The following BCAS1 variants were observed in gnomAD, a reference collection of about 807,000 sequenced individuals.
The protein encoded by BCAS1 is breast carcinoma-amplified sequence 1.
BCAS1 carries 46 observed loss-of-function variants against 65.4 expected under a neutral mutation model. The observed-to-expected ratio is 0.70, with a 90% CI of 0.55 to 0.90. The LOEUF (loss-of-function observed/expected upper bound fraction) is 0.90. BCAS1 is among the 40% of genes least tolerant of loss of function. The probability of loss-of-function intolerance (pLI) is 0.00; values close to 1 mark genes in which losing one functional copy is unlikely to be tolerated. For synonymous variants in BCAS1, 298 were observed against 293.5 expected (o/e 1.02, Z -0.16); for missense variants, 793 against 771.2 (o/e 1.03, Z -0.33).
At chr20:54,027,183 T>C (rs1024259616) in intron 4 of BCAS1, among the ~76,000 whole-genome samples, 3 of 152,234 alleles carry the variant, frequency 2.0e-5, no homozygotes, top group South Asian at 4.1e-4. Context: ...TCAAAATGTA[T>C]AGAAAACACA....
intron 10 of BCAS1, among the ~76,000 whole-genome samples, chr20:53,958,735 TATTC>T (rs1332693524): frequency 1.3e-5 from 2 of 152,260 alleles, no homozygotes; most frequent in Non-Finnish European, 2.9e-5. Flanking sequence ...TTATTTCATT[TATTC>T]ATTATGTCAG....
chr20:53,973,193 C>A (rs368238271), intron 9 of BCAS1, among the ~76,000 whole-genome samples: 17 of 152,212 alleles, frequency 1.1e-4, no homozygotes, highest in East Asian at 3.8e-4. Context: ...TGCGCCACTG[C>A]ACTCCAGCCT....
At chr20:54,019,891 G>T (rs889544103) in intron 4 of BCAS1, among the ~76,000 whole-genome samples, 1 of 152,112 alleles carries the variant, frequency 6.6e-6, no homozygotes, top group Admixed American at 6.5e-5. Context: ...CACTTTTGAG[G>T]CTTTTGAACT....
rs753309821 is a variant in BCAS1 at position 54,028,973 on chromosome 20, C to T, written c.143-1G>A. On this transcript the variant is annotated splice_acceptor_variant, in intron 3 of 12. Transcript: ENST00000688948. LOFTEE classifies it high-confidence loss of function. ...GTCTTGACACTTATTCCCAAGTCGACTGTAAACACAAACATAAACAGTGGT... is the reference window on the plus strand; with the variant it reads ...GTCTTGACACTTATTCCCAAGTCGATTGTAAACACAAACATAAACAGTGGT... The T allele has an allele frequency of 2.5e-6, 4 of 1,602,518 alleles. No homozygotes were observed. Among genetic ancestry groups the T allele is most frequent in the Non-Finnish European group, 3.4e-6 (4 of 1,174,890 alleles).
At chr20:54,051,242 C>A (rs1276732303) in intron 3 of BCAS1, among the ~76,000 whole-genome samples, 5 of 152,170 alleles carry the variant, frequency 3.3e-5, no homozygotes, top group Non-Finnish European at 7.4e-5. Flanking sequence ...ACTGCCTGAT[C>A]TCTGAGCCAT....
intron 7 of BCAS1, among the ~76,000 whole-genome samples, chr20:53,989,480 T>C (rs1301814495): frequency 1.3e-5 from 2 of 152,188 alleles, no homozygotes; most frequent in Non-Finnish European, 2.9e-5. Flanking sequence ...GCCTAGCTTC[T>C]GGCACAAAAT....
intron 12 of BCAS1, among the ~76,000 whole-genome samples, chr20:53,946,810 GTATAA>G (rs2089340081): frequency 6.6e-6 from 1 of 151,412 alleles, no homozygotes; most frequent in African/African-American, 2.4e-5. Context: ...GGAAAGGGAA[GTATAA>G]TGTACTATCA....
At chr20:54,052,410 T>C (rs2092232246) in intron 3 of BCAS1, among the ~76,000 whole-genome samples, 1 of 152,204 alleles carries the variant, frequency 6.6e-6, no homozygotes, top group Admixed American at 6.5e-5. Flanking sequence ...TTGAGATTCA[T>C]CCATGCTGTT....
At chr20:54,021,481 G>A (rs747985820) in intron 4 of BCAS1, among the ~76,000 whole-genome samples, 4 of 146,778 alleles carry the variant, frequency 2.7e-5, no homozygotes, top group African/African-American at 7.4e-5. Flanking sequence ...GTCTATTGTT[G>A]ATGGGCATTT....
At chr20:53,991,055 G>T (rs903251979) in intron 7 of BCAS1, among the ~76,000 whole-genome samples, 1 of 152,164 alleles carries the variant, frequency 6.6e-6, no homozygotes, top group African/African-American at 2.4e-5. Context: ...TACTGCAGAC[G>T]TAAAATTTTG....
At chr20:54,027,277 C>T (rs2091692785) in intron 4 of BCAS1, among the ~76,000 whole-genome samples, 1 of 152,162 alleles carries the variant, frequency 6.6e-6, no homozygotes, top group Admixed American at 6.5e-5. Flanking sequence ...CAGCGGTGCC[C>T]AGCCTTCATA....
At chr20:54,064,706 G>A (rs547149248) in intron 1 of BCAS1, among the ~76,000 whole-genome samples, 3 of 152,326 alleles carry the variant, frequency 2.0e-5, no homozygotes, top group South Asian at 2.1e-4. Flanking sequence ...ACAGGCATCC[G>A]TAAAATCCCA....
chr20:54,028,021 C>G (rs1226166173), intron 4 of BCAS1, among the ~76,000 whole-genome samples: 1 of 152,198 alleles, frequency 6.6e-6, no homozygotes, highest in Non-Finnish European at 1.5e-5. Context: ...ACTACAGAGA[C>G]TAGGTAACAT....
chr20:53,990,855 C>A (rs1024111284), intron 7 of BCAS1, among the ~76,000 whole-genome samples: 1 of 152,200 alleles, frequency 6.6e-6, no homozygotes, highest in African/African-American at 2.4e-5. Context: ...CCACTCAAGG[C>A]AAAACCCTGA....
intron 3 of BCAS1, among the ~76,000 whole-genome samples, chr20:54,057,724 T>C (rs1026549692): frequency 7.9e-5 from 12 of 152,196 alleles, no homozygotes. Context: ...ACTGCTTCCA[T>C]ATGATGAAGG....
chr20:53,980,633 ATCACATCTGCCTTTGGGGCTTGAG>A (rs2090453420), intron 8 of BCAS1, among the ~76,000 whole-genome samples: 1 of 152,246 alleles, frequency 6.6e-6, no homozygotes, highest in Non-Finnish European at 1.5e-5. Context: ...TTACTCAAAC[ATCACATCTGCCTTTGGGGCTTGAG>A]GTGTGTCTCT....
chr20:53,980,398 C>G (rs1313610280), intron 8 of BCAS1, among the ~76,000 whole-genome samples: 1 of 152,164 alleles, frequency 6.6e-6, no homozygotes, highest in Non-Finnish European at 1.5e-5. Context: ...TTGCATTCCT[C>G]CAGCTTCTTA....
At chr20:54,062,550 A>G (rs1393058128) in intron 1 of BCAS1, among the ~76,000 whole-genome samples, 2 of 152,238 alleles carry the variant, frequency 1.3e-5, no homozygotes, top group African/African-American at 4.8e-5. Flanking sequence ...TAGGATTACA[A>G]GCTTTATTTT....
intron 3 of BCAS1, among the ~76,000 whole-genome samples, chr20:54,034,505 C>G (rs1312411865): frequency 6.6e-6 from 1 of 151,040 alleles, no homozygotes; most frequent in Non-Finnish European, 1.5e-5. Context: ...AAGCCAGGAG[C>G]CAAACCAGGA....
Sources: allele counts gnomAD v4.1 joint callset (sites outside exome capture counted in the v4.1 genomes callset), GRCh38; gene constraint gnomAD v4.1.1; transcripts MANE v1.5; gene names NCBI Gene and HGNC (gene_info 2026-07-23, HGNC 2026-07-21).